Variants in NRXN3 observed in about 807,000 individuals in gnomAD.
NRXN3 encodes neurexin III.
NRXN3 carries 32 observed loss-of-function variants against 137.6 expected under a neutral mutation model. That is an observed-to-expected ratio of 0.23 (90% CI 0.18 to 0.31). The LOEUF is 0.31. NRXN3 is among the 10% of genes least tolerant of loss of function. The pLI, the probability that NRXN3 is intolerant of heterozygous loss-of-function variation, is 1.00. For missense variants in NRXN3, 1,574 were observed against 2,062.5 expected (o/e 0.76, Z 4.59); for synonymous variants, 798 against 784.5 (o/e 1.02, Z -0.29).
intron 15 of NRXN3, among the ~76,000 whole-genome samples, chr14:78,990,361 ATTTTTTTTTT>A: frequency 1.3e-5 from 1 of 76,062 alleles, no homozygotes; most frequent in Admixed American, 2.0e-4. Context: ...GTTCACATCT[ATTTTTTTTTT>A]TTTTTTTTTT....
intron 20 of NRXN3, among the ~76,000 whole-genome samples, chr14:79,813,399 C>T (rs1312321139): frequency 6.6e-6 from 1 of 152,078 alleles, no homozygotes; most frequent in Non-Finnish European, 1.5e-5. Context: ...TGTTTCACCT[C>T]ATCTTGTGCC....
chr14:79,425,201 A>C (rs1261854942), intron 15 of NRXN3, among the ~76,000 whole-genome samples: 1 of 152,226 alleles, frequency 6.6e-6, no homozygotes, highest in Non-Finnish European at 1.5e-5. Context: ...TAATGTAAGT[A>C]GTTATATATC....
chr14:79,297,786 C>T (rs1230116418), intron 15 of NRXN3, among the ~76,000 whole-genome samples: 5 of 152,030 alleles, frequency 3.3e-5, no homozygotes, highest in Non-Finnish European at 7.4e-5. Flanking sequence ...CAACCCAGCA[C>T]TGCGAGGAAG....
At chr14:78,456,801 C>CTT (rs879517350) in intron 4 of NRXN3, among the ~76,000 whole-genome samples, 62 of 84,128 alleles carry the variant, frequency 7.4e-4, no homozygotes, top group African/African-American at 2.4e-3. Flanking sequence ...CTCTTTCTCT[C>CTT]TTTCTTTCTT....
intron 4 of NRXN3, among the ~76,000 whole-genome samples, chr14:78,324,944 T>C (rs2079869738): frequency 6.6e-6 from 1 of 151,852 alleles, no homozygotes; most frequent in Non-Finnish European, 1.5e-5. Flanking sequence ...AAACTCCTGG[T>C]ACTGACATTC....
intron 17 of NRXN3, among the ~76,000 whole-genome samples, chr14:79,671,480 C>T (rs370078139): frequency 7.9e-5 from 12 of 152,158 alleles, no homozygotes; most frequent in Non-Finnish European, 1.0e-4. Context: ...TCTATATCAT[C>T]GGTGTGGCCT....
intron 3 of NRXN3, among the ~76,000 whole-genome samples, chr14:78,293,965 C>T (rs553235869): frequency 6.6e-6 from 1 of 152,302 alleles, no homozygotes; most frequent in South Asian, 2.1e-4. Flanking sequence ...ATCCTGGTAG[C>T]CCATGCTGCT....
At chr14:79,826,068 T>C (rs957847706) in intron 20 of NRXN3, among the ~76,000 whole-genome samples, 1 of 152,114 alleles carries the variant, frequency 6.6e-6, no homozygotes, top group Non-Finnish European at 1.5e-5. Flanking sequence ...CGATCTCGGC[T>C]CACTGCAACC....
chr14:78,375,426 G>A (rs2087642387), intron 4 of NRXN3, among the ~76,000 whole-genome samples: 1 of 152,100 alleles, frequency 6.6e-6, no homozygotes, highest in Non-Finnish European at 1.5e-5. Flanking sequence ...TTCCATGACT[G>A]TAAGCTTTTT....
At chr14:78,699,171 G>C (rs75439998) in intron 6 of NRXN3, among the ~76,000 whole-genome samples, 4 of 152,182 alleles carry the variant, frequency 2.6e-5, no homozygotes, top group Admixed American at 2.6e-4. Flanking sequence ...ATGAAGCCAT[G>C]GGGGCGGAGA....
chr14:78,499,797 T>C (rs983189148), intron 4 of NRXN3, among the ~76,000 whole-genome samples: 1 of 152,168 alleles, frequency 6.6e-6, no homozygotes, highest in African/African-American at 2.4e-5. Flanking sequence ...GGCTGTTCAC[T>C]AGAGGCTGCC....
At chr14:79,574,128 A>G (rs1187502011) in intron 16 of NRXN3, among the ~76,000 whole-genome samples, 1 of 152,106 alleles carries the variant, frequency 6.6e-6, no homozygotes, top group Non-Finnish European at 1.5e-5. Flanking sequence ...ACAAAGTAGA[A>G]TAAGTAGGCC....
At chr14:79,126,609 G>A (rs867069277) in intron 15 of NRXN3, among the ~76,000 whole-genome samples, 10 of 151,616 alleles carry the variant, frequency 6.6e-5, no homozygotes, top group South Asian at 2.1e-4. Context: ...AGTCTTTGCT[G>A]TTGTGAATAA....
chr14:78,290,492 A>T (rs1235553470), intron 3 of NRXN3, among the ~76,000 whole-genome samples: 1 of 152,076 alleles, frequency 6.6e-6, no homozygotes, highest in Non-Finnish European at 1.5e-5. Context: ...TCTGAGACAA[A>T]ATTATGGATT....
chr14:79,282,089 G>A (rs919306260), intron 15 of NRXN3, among the ~76,000 whole-genome samples: 36 of 151,898 alleles, frequency 2.4e-4, no homozygotes, highest in African/African-American at 7.3e-4. Context: ...ACTCCTGCTG[G>A]GTCTGGTGTT....
intron 4 of NRXN3, among the ~76,000 whole-genome samples, chr14:78,397,537 A>G (rs901309217): frequency 4.6e-5 from 7 of 151,290 alleles, no homozygotes; most frequent in Non-Finnish European, 1.0e-4. Flanking sequence ...GTTCTTATTT[A>G]TATTTTCTTT....
Position 78,968,306 on chromosome 14 carries a change from T to C in NRXN3, c.3102T>C (p.Asp1034=), listed in dbSNP as rs1295276660. Residue 1034 remains aspartate, a synonymous_variant, in exon 14 of 21, where the codon GAT becomes GAC. Coordinates refer to ENST00000335750, the MANE Select transcript of NRXN3 (RefSeq NM_001330195.2). The part of the protein sequence containing the change: ...LNGRLPDLIN[D]ALHRSGQIER... ...GACGCCTGCCAGACCTCATCAATGATGCTCTTCATCGGAGCGGACAGATCG... is the reference window on the plus strand; with the variant it reads ...GACGCCTGCCAGACCTCATCAATGACGCTCTTCATCGGAGCGGACAGATCG... 3.1e-6 allele frequency: 5 copies of C among 1,613,976 alleles called. No homozygotes were observed. Among genetic ancestry groups the C allele is most frequent in the Non-Finnish European group, 4.2e-6 (5 of 1,179,958 alleles).
chr14:79,237,211 A>G (rs1286125376), intron 15 of NRXN3, among the ~76,000 whole-genome samples: 1 of 152,114 alleles, frequency 6.6e-6, no homozygotes. Flanking sequence ...AATAGCAATG[A>G]ATTGATTGGA....
At chr14:78,810,847 T>C (rs2098908550) in intron 10 of NRXN3, among the ~76,000 whole-genome samples, 1 of 152,184 alleles carries the variant, frequency 6.6e-6, no homozygotes, top group Non-Finnish European at 1.5e-5. Context: ...CTGCTATTGG[T>C]GATAAGGCAA....
Sources: gnomAD v4.1 joint callset for allele counts (sites outside exome capture counted in the v4.1 genomes callset) on GRCh38, gnomAD v4.1.1 for gene constraint, MANE v1.5 for transcripts, NCBI Gene and HGNC (gene_info 2026-07-23, HGNC 2026-07-21) for gene names.